Variants in DNAH3 observed in about 807,000 individuals in gnomAD.
DNAH3 encodes the protein axonemal beta dynein heavy chain 3.
DNAH3 carries 332 observed loss-of-function variants against 432.5 expected under a neutral mutation model. That is an observed-to-expected ratio of 0.77 (90% CI 0.70 to 0.84). DNAH3 has a LOEUF of 0.84. Among genes scored for constraint, DNAH3 ranks in the 40% least tolerant of loss-of-function variants. DNAH3 has a pLI of 0.00. For missense variants in DNAH3, 4,861 were observed against 5,114.0 expected (o/e 0.95, Z 1.51); for synonymous variants, 1,956 against 1,900.2 (o/e 1.03, Z -0.76).
chr16:20,995,618 G>A (rs9926576), intron 44 of DNAH3, among the ~76,000 whole-genome samples: 30,906 of 152,006 alleles, frequency 0.2, 3,471 homozygotes, highest in South Asian at 0.29. Context: ...GAAAATTTCC[G>A]CCTTTTTTCC....
intron 23 of DNAH3, among the ~76,000 whole-genome samples, chr16:21,068,809 A>G (rs773328821): frequency 1.3e-5 from 2 of 152,266 alleles, no homozygotes; most frequent in Non-Finnish European, 2.9e-5. Context: ...CCTGTAACAA[A>G]TACAACCTTG....
intron 1 of DNAH3, among the ~76,000 whole-genome samples, chr16:21,153,962 G>C (rs74012118): frequency 2.6e-5 from 4 of 152,098 alleles, no homozygotes; most frequent in African/African-American, 9.7e-5. Flanking sequence ...GTATACATAC[G>C]GTTTCAAATA....
At chr16:21,037,795 G>A in exon 34 of DNAH3, 3 of 1,614,120 alleles carry the variant, frequency 1.9e-6, no homozygotes, top group Non-Finnish European at 2.5e-6. Flanking sequence ...TAAGAACTTG[G>A]CCAGATTGAC....
rs1348863965 is a variant in DNAH3, at chr16:20,962,169, TAAATA to T, written c.10600+1110_10600+1114del. 7.9e-5 allele frequency among the ~76,000 whole-genome samples: 12 copies of T among 151,464 alleles called. No individual in the cohort carries two copies. In the South Asian group the frequency reaches 2.5e-3, roughly 32 times the overall value. On this transcript the variant is annotated intron_variant, in intron 53 of 61. Transcript: ENST00000261383. ...GAGCAAGACTCCATCTCAAAATAAA[TAAATA>T]AAATAAAATAATAATTAAAAAAAAT...
At chr16:21,061,700 T>C (rs1190049982) in intron 25 of DNAH3, among the ~76,000 whole-genome samples, 1 of 152,238 alleles carries the variant, frequency 6.6e-6, no homozygotes, top group Non-Finnish European at 1.5e-5. Context: ...CACTTGGAGA[T>C]CTTTTAAAAA....
At chr16:20,983,178 T>C (rs1292945951) in intron 48 of DNAH3, among the ~76,000 whole-genome samples, 3 of 152,192 alleles carry the variant, frequency 2.0e-5, no homozygotes, top group African/African-American at 7.2e-5. Context: ...CAGACTGGAG[T>C]GCAGTGGCGC....
chr16:21,100,565 C>T (rs2091811806), intron 16 of DNAH3, among the ~76,000 whole-genome samples: 1 of 152,184 alleles, frequency 6.6e-6, no homozygotes, highest in South Asian at 2.1e-4. Context: ...AACACAATGT[C>T]GGGTGCTCTC....
At chr16:20,998,532 C>G (rs904721259) in intron 43 of DNAH3, among the ~76,000 whole-genome samples, 2 of 152,004 alleles carry the variant, frequency 1.3e-5, no homozygotes, top group African/African-American at 4.8e-5. Context: ...GGATTACAGG[C>G]GTGAGCCACC....
intron 12 of DNAH3, among the ~76,000 whole-genome samples, chr16:21,114,685 A>G (rs2092146619): frequency 6.6e-6 from 1 of 152,322 alleles, no homozygotes; most frequent in Non-Finnish European, 1.5e-5. Context: ...TCAAAACCAC[A>G]ATGAGATACC....
intron 44 of DNAH3, 21 bp downstream of exon 44, chr16:20,997,262 T>A (rs1440825534): frequency 6.2e-7 from 1 of 1,609,962 alleles, no homozygotes; most frequent in Non-Finnish European, 8.5e-7. Context: ...GAAAGAGGAA[T>A]GAGCTCTTCC....
chr16:21,055,650 T>C (rs911396136), intron 27 of DNAH3, among the ~76,000 whole-genome samples: 5 of 151,900 alleles, frequency 3.3e-5, no homozygotes, highest in African/African-American at 1.2e-4. Context: ...CCACCCTAGG[T>C]TAAAATCCTA....
chr16:20,933,601 C>A, intron 61 of DNAH3, 94 bp from the exon 62 acceptor site: 1 of 1,009,866 alleles, frequency 9.9e-7, no homozygotes, highest in Non-Finnish European at 1.4e-6. Context: ...CAAAGTGCAA[C>A]CTGGTTGCAA....
chr16:20,960,423 C>T (rs533111438), intron 53 of DNAH3, among the ~76,000 whole-genome samples: 35 of 152,254 alleles, frequency 2.3e-4, no homozygotes, highest in African/African-American at 7.5e-4. Context: ...TGGTGGCTCA[C>T]GCCTGCAATC....
intron 44 of DNAH3, among the ~76,000 whole-genome samples, chr16:20,994,448 A>T (rs966481814): frequency 7.2e-5 from 11 of 152,204 alleles, no homozygotes; most frequent in African/African-American, 2.2e-4. Flanking sequence ...TAAATTAATT[A>T]ATTAAATAAA....
At chr16:21,107,682 A>G (rs1196210908) in intron 14 of DNAH3, among the ~76,000 whole-genome samples, 1 of 152,204 alleles carries the variant, frequency 6.6e-6, no homozygotes, top group Admixed American at 6.5e-5. Context: ...AAATGATGTT[A>G]TTATACAGAT....
At chr16:20,933,337 G>A (rs567061014) in exon 62 of DNAH3, 40 of 1,614,132 alleles carry the variant, frequency 2.5e-5, no homozygotes, top group East Asian at 1.6e-4. Context: ...GAAACATTGC[G>A]CTCTCCCCAG....
chr16:21,086,891 A>G lies in DNAH3; in HGVS notation c.2835T>C (p.Ser945=), dbSNP rs140243046. 8.5e-5 allele frequency: 137 copies of G among 1,614,178 alleles called. No individual in the cohort carries two copies. In the African/African-American group the frequency reaches 1.6e-3, roughly 19 times the overall value. The change falls in exon 19 of 62, where the codon AGT becomes AGC. Residue 945 remains serine (S), a synonymous_variant. Coordinates refer to ENST00000261383, the Ensembl canonical transcript of DNAH3. ...CTTTCATTCCTGGGTTGCAGGAAAT[A>G]CTGAGGATGGGAATGTACTGCTTGA... is the stretch of plus-strand genomic sequence containing the variant.
chr16:21,081,344 C>T (rs2091177226), intron 20 of DNAH3, among the ~76,000 whole-genome samples: 1 of 150,780 alleles, frequency 6.6e-6, no homozygotes, highest in Non-Finnish European at 1.5e-5. Context: ...CCCCCAATCA[C>T]TGAGAGCTGG....
At chr16:20,996,067 G>A (rs1028828635) in intron 44 of DNAH3, among the ~76,000 whole-genome samples, 2 of 152,242 alleles carry the variant, frequency 1.3e-5, no homozygotes, top group African/African-American at 4.8e-5. Context: ...TTTGTTGTAA[G>A]TGTTGTTTAT....
Sources: allele counts gnomAD v4.1 joint callset (sites outside exome capture counted in the v4.1 genomes callset), GRCh38; gene constraint gnomAD v4.1.1; transcripts MANE v1.5; gene names NCBI Gene and HGNC (gene_info 2026-07-23, HGNC 2026-07-21).